Variants in DLG2 observed in about 807,000 individuals in gnomAD.
DLG2 encodes the protein disks large homolog 2.
Under a neutral mutation model 132.5 loss-of-function variants are expected in DLG2, and 45 were observed. The observed-to-expected ratio is 0.34, with a 90% CI of 0.27 to 0.44. The LOEUF (loss-of-function observed/expected upper bound fraction) is 0.44. Ranked by LOEUF, DLG2 falls within the 20% of genes least tolerant of loss-of-function variation. The pLI is 1.00. For synonymous variants in DLG2, 424 were observed against 419.6 expected, an observed-to-expected ratio of 1.01 and a Z score of -0.13; for missense variants, 1,045 against 1,196.9, an observed-to-expected ratio of 0.87 and a Z score of 1.87.
At chr11:84,941,523 C>T (rs970930181) in intron 6 of DLG2, among the ~76,000 whole-genome samples, 1 of 152,068 alleles carries the variant, frequency 6.6e-6, no homozygotes, top group African/African-American at 2.4e-5. Flanking sequence ...TTTGATGTAT[C>T]ACACTGATTG....
chr11:83,765,229 A>G (rs1388751208), intron 18 of DLG2, among the ~76,000 whole-genome samples: 3 of 152,184 alleles, frequency 2.0e-5, no homozygotes, highest in Non-Finnish European at 4.4e-5. Context: ...CAATTTTTTT[A>G]AGCCCACATT....
intron 3 of DLG2, among the ~76,000 whole-genome samples, chr11:85,532,288 C>T (rs1018096694): frequency 4.6e-5 from 7 of 152,018 alleles, no homozygotes; most frequent in African/African-American, 1.7e-4. Flanking sequence ...TAGTAATGAA[C>T]AAGGACAGCA....
At chr11:84,427,234 T>C (rs1343122414) in intron 7 of DLG2, among the ~76,000 whole-genome samples, 1 of 151,136 alleles carries the variant, frequency 6.6e-6, no homozygotes, top group East Asian at 1.9e-4. Context: ...AAAAAGGGAA[T>C]GAAGGAAGGA....
intron 4 of DLG2, among the ~76,000 whole-genome samples, chr11:85,254,099 C>A (rs1034721638): frequency 8.5e-5 from 13 of 152,188 alleles, no homozygotes; most frequent in South Asian, 4.1e-4. Flanking sequence ...CAGTGCCAGG[C>A]TTTTTGGCTT....
chr11:84,943,616 AT>A (rs1464054795), intron 6 of DLG2, among the ~76,000 whole-genome samples: 1 of 152,182 alleles, frequency 6.6e-6, no homozygotes, highest in East Asian at 1.9e-4. Flanking sequence ...AAGAAAACTA[AT>A]GAAAACTCAA....
Position 84,215,906 on chromosome 11 carries a change from A to G in DLG2, c.573+35332T>C, listed in dbSNP as rs563366868. Reference sequence around the variant, plus strand: ...AATTGCTCACTGCTTAATGAATTCCAGAAGTAGTGGTTTTGGAAAGGGAAG... The same window carrying G: ...AATTGCTCACTGCTTAATGAATTCCGGAAGTAGTGGTTTTGGAAAGGGAAG... On this transcript the variant is annotated intron_variant, in intron 8 of 27. Coordinates refer to ENST00000376104, the MANE Select transcript of DLG2 (RefSeq NM_001142699.3). 3.3e-5 allele frequency among the ~76,000 whole-genome samples: 5 copies of G among 152,374 alleles called. 1 individual carries two copies. The South Asian group carries it at 1.0e-3, about 32-fold the overall frequency.
intron 6 of DLG2, among the ~76,000 whole-genome samples, chr11:85,007,686 A>G (rs200150535): frequency 0.028 from 3,941 of 142,702 alleles, 133 homozygotes; most frequent in East Asian, 0.094. Context: ...AAAAAAAAAA[A>G]AAAAGAAAAG....
intron 18 of DLG2, among the ~76,000 whole-genome samples, chr11:83,731,035 G>C (rs12291851): frequency 0.32 from 48,036 of 152,042 alleles, 9,743 homozygotes; most frequent in African/African-American, 0.58. Flanking sequence ...AGTTTATTCT[G>C]TTGAGTTAGT....
At chr11:83,746,574 T>C (rs1286098064) in intron 18 of DLG2, among the ~76,000 whole-genome samples, 1 of 151,044 alleles carries the variant, frequency 6.6e-6, no homozygotes, top group African/African-American at 2.5e-5. Context: ...TCAGGGCCTG[T>C]TGTGGGGTGG....
At chr11:84,331,548 A>T (rs1284973421) in intron 7 of DLG2, among the ~76,000 whole-genome samples, 1 of 143,662 alleles carries the variant, frequency 7.0e-6, no homozygotes, top group African/African-American at 2.6e-5. Context: ...TCTGAGTCAA[A>T]CTTGATGGAG....
chr11:84,652,602 G>A (rs933690097), intron 6 of DLG2, among the ~76,000 whole-genome samples: 5 of 152,040 alleles, frequency 3.3e-5, no homozygotes, highest in Non-Finnish European at 5.9e-5. Flanking sequence ...AGATAGGTCT[G>A]GGCTAAGTTT....
intron 18 of DLG2, among the ~76,000 whole-genome samples, chr11:83,660,797 T>C (rs1439886553): frequency 2.6e-5 from 4 of 152,136 alleles, no homozygotes; most frequent in African/African-American, 9.7e-5. Context: ...AGAAAGTTGA[T>C]AAAATTGTAC....
chr11:84,156,043 A>G (rs769669391), intron 9 of DLG2, among the ~76,000 whole-genome samples: 1 of 152,198 alleles, frequency 6.6e-6, no homozygotes, highest in Non-Finnish European at 1.5e-5. Context: ...TGCCAAGTTG[A>G]TGGAGGAGGA....
chr11:83,655,344 A>T (rs1226182065), intron 18 of DLG2, among the ~76,000 whole-genome samples: 1 of 152,238 alleles, frequency 6.6e-6, no homozygotes, highest in Non-Finnish European at 1.5e-5. Flanking sequence ...AAGAATATCC[A>T]TTGGAATCAT....
At chr11:83,610,343 G>A (rs1307564517) in intron 19 of DLG2, among the ~76,000 whole-genome samples, 1 of 152,186 alleles carries the variant, frequency 6.6e-6, no homozygotes, top group East Asian at 1.9e-4. Flanking sequence ...CTCAAAGCTA[G>A]GTCCATGGTG....
chr11:84,559,932 T>C (rs1320753209), intron 6 of DLG2, among the ~76,000 whole-genome samples: 1 of 152,070 alleles, frequency 6.6e-6, no homozygotes, highest in Non-Finnish European at 1.5e-5. Context: ...TGTTATCCCA[T>C]TTGTTTTTAG....
chr11:85,523,539 TC>T (rs1350233122), intron 3 of DLG2, among the ~76,000 whole-genome samples: 1 of 151,984 alleles, frequency 6.6e-6, no homozygotes, highest in Non-Finnish European at 1.5e-5. Context: ...AGTTATCATC[TC>T]CCCCATTAAA....
In DLG2 at chr11:85,462,152, T is replaced by C. The variant is rs926325318; in HGVS notation, c.40+136505A>G. 3.9e-5 allele frequency among the ~76,000 whole-genome samples: 6 copies of C among 151,998 alleles called. 1 individual carries two copies. Among genetic ancestry groups the C allele is most frequent in the Middle Eastern group, 6.3e-3 (2 of 316 alleles). On this transcript the variant is annotated intron_variant, in intron 3 of 27. Coordinates refer to ENST00000376104, the MANE Select transcript of DLG2 (RefSeq NM_001142699.3). ...CAATCATTAAAAAGTCAGGAAACAA[T>C]AGGTGCTGGAGAGGATGTGCAGAAA...
intron 5 of DLG2, among the ~76,000 whole-genome samples, chr11:85,136,599 T>C (rs2076159767): frequency 1.3e-5 from 2 of 152,206 alleles, no homozygotes; most frequent in Admixed American, 1.3e-4. Context: ...AGGTTAATGA[T>C]CTAAAACTAG....
Sources: allele counts gnomAD v4.1 joint callset (sites outside exome capture counted in the v4.1 genomes callset), GRCh38; gene constraint gnomAD v4.1.1; transcripts MANE v1.5; gene names NCBI Gene and HGNC (gene_info 2026-07-23, HGNC 2026-07-21).